The following PAK3 variants were observed in gnomAD, a reference collection of about 807,000 sequenced individuals.
PAK3 encodes the protein serine/threonine-protein kinase PAK 3.
Under a neutral mutation model 41.0 loss-of-function variants are expected in PAK3, and 4 were observed. The observed-to-expected ratio is 0.10, with a 90% confidence interval of 0.05 to 0.22. The LOEUF is 0.22. Ranked by LOEUF, PAK3 falls within the 10% of genes least tolerant of loss-of-function variation. PAK3 has a pLI of 1.00. For synonymous variants in PAK3, 146 were observed against 139.6 expected, an observed-to-expected ratio of 1.05 and a Z score of -0.32; for missense variants, 205 against 409.9, an observed-to-expected ratio of 0.50 and a Z score of 4.32.
chrX:110,997,950 C>A (rs971955322), intron 1 of PAK3, among the ~76,000 whole-genome samples: 2 of 111,572 alleles, frequency 1.8e-5, no homozygotes, highest in African/African-American at 3.3e-5. Flanking sequence ...ACCACCAGCA[C>A]CTTGATCTTG....
chrX:110,964,507 G>T (rs2091043153), intron 1 of PAK3, among the ~76,000 whole-genome samples: 1 of 111,735 alleles, frequency 8.9e-6, no homozygotes, highest in Non-Finnish European at 1.9e-5. Flanking sequence ...AAATCATCTG[G>T]CCTATATTTG....
chrX:111,159,711 G>A (rs1449445490), intron 8 of PAK3, among the ~76,000 whole-genome samples: 1 of 112,022 alleles, frequency 8.9e-6, no homozygotes, highest in African/African-American at 3.2e-5. Flanking sequence ...AACAGATGTT[G>A]CTATCCACAT....
intron 1 of PAK3, among the ~76,000 whole-genome samples, chrX:111,003,505 T>C (rs2091880516): frequency 8.9e-6 from 1 of 111,773 alleles, no homozygotes; most frequent in Non-Finnish European, 1.9e-5. Flanking sequence ...TGGCACTTTC[T>C]CAGCTTCAGC....
chrX:111,024,158 C>T (rs1173627001), intron 1 of PAK3, among the ~76,000 whole-genome samples: 1 of 111,973 alleles, frequency 8.9e-6, no homozygotes, highest in Non-Finnish European at 1.9e-5. Flanking sequence ...GAAATCATTT[C>T]CCCATTGCTT....
At chrX:111,172,525 G>C (rs1443310954) in intron 10 of PAK3, among the ~76,000 whole-genome samples, 2 of 110,806 alleles carry the variant, frequency 1.8e-5, no homozygotes, top group East Asian at 5.7e-4. Context: ...GTGATCCCCA[G>C]TGTTTATTGT....
At chrX:110,955,185 C>T (rs1302025161) in intron 1 of PAK3, among the ~76,000 whole-genome samples, 3 of 112,210 alleles carry the variant, frequency 2.7e-5, no homozygotes, top group African/African-American at 9.7e-5. Flanking sequence ...CCAGACTATA[C>T]GTATGGGACC....
At chrX:111,069,656 A>G (rs1199681775) in intron 1 of PAK3, among the ~76,000 whole-genome samples, 1 of 109,627 alleles carries the variant, frequency 9.1e-6, no homozygotes, top group Non-Finnish European at 1.9e-5. Context: ...CATATCTCAG[A>G]ACAGGGGCCT....
Position 111,163,702 on chromosome X carries a change from A to G in PAK3, c.741A>G (p.Thr247=), listed in dbSNP as rs1412894498. 4 of 1,200,604 alleles carry G rather than the reference A, an allele frequency of 3.3e-6. No individual in the cohort carries two copies. In the South Asian group the frequency reaches 7.1e-5, roughly 21 times the overall value. The change falls in exon 10 of 18, where the codon ACA becomes ACG. Residue 247 remains threonine, a synonymous_variant. Transcript: ENST00000372007. ...GGCAAAGAAAAAAATCCAAGATGAC[A>G]GATGAGGAGATCTTAGAGAAGCTAA... The part of the protein sequence containing the change: ...TDRQRKKSKM[T]DEEILEKLRS...
At chrX:111,075,405 G>A (rs1348503167) in intron 1 of PAK3, among the ~76,000 whole-genome samples, 1 of 112,751 alleles carries the variant, frequency 8.9e-6, no homozygotes, top group East Asian at 2.8e-4. Flanking sequence ...TCCAGCTGTG[G>A]TTCAAAGGGC....
At position 111,195,925 on chromosome X, in the gene PAK3, T is replaced by A; in HGVS notation, c.1194T>A (p.Asp398Glu). The change falls in exon 15 of 18, where the codon GAT becomes GAA. Residue 398 changes from aspartate to glutamate, a missense_variant. Asp to Glu is a conservative substitution (Grantham distance 45). Around this residue, in one of 5 missense-constraint regions of PAK3, gnomAD observed 42 missense variants for 152.7 expected, o/e 0.28. Coordinates refer to ENST00000372007, the MANE Select transcript of PAK3 (RefSeq NM_002578.5). ...IKSDNILLGM[D>E]GSVKLTDFGF... Reference sequence around the variant, plus strand: ...GTGACAATATTCTTCTCGGGATGGATGGCTCTGTTAAATTGAGTAGGTATT... The same window carrying A: ...GTGACAATATTCTTCTCGGGATGGAAGGCTCTGTTAAATTGAGTAGGTATT... The A allele has an allele frequency of 8.9e-7, 1 of 1,128,472 alleles. No individual in the cohort carries two copies. The highest frequency in any genetic ancestry group is 1.8e-5 in the African/African-American group (1 of 56,277). 93.0% of individuals were successfully genotyped at this position (1,128,472 alleles called of 1,213,427 possible).
chrX:111,078,471 G>A (rs971687991), intron 1 of PAK3, among the ~76,000 whole-genome samples: 2 of 110,125 alleles, frequency 1.8e-5, no homozygotes, highest in Non-Finnish European at 3.8e-5. Context: ...TAATTGTTTT[G>A]AGGCACCATG....
intron 1 of PAK3, among the ~76,000 whole-genome samples, chrX:111,050,325 T>A (rs997066754): frequency 1.8e-5 from 2 of 111,560 alleles, no homozygotes; most frequent in Non-Finnish European, 3.8e-5. Context: ...CAATGGAGAA[T>A]GCCTCTAAAA....
chrX:111,158,247 G>A (rs896355300), intron 8 of PAK3, among the ~76,000 whole-genome samples: 2 of 112,041 alleles, frequency 1.8e-5, no homozygotes, highest in Non-Finnish European at 3.8e-5. Context: ...GGGGCTTGAA[G>A]CAAGTTTTAG....
chrX:111,053,631 G>T (rs909666708), intron 1 of PAK3, among the ~76,000 whole-genome samples: 1 of 110,803 alleles, frequency 9.0e-6, no homozygotes, highest in Non-Finnish European at 1.9e-5. Flanking sequence ...ACATACAGTG[G>T]GGTAGCTGTC....
chrX:111,215,583 C>T (rs1358171331), intron 16 of PAK3, among the ~76,000 whole-genome samples: 5 of 111,775 alleles, frequency 4.5e-5, no homozygotes, highest in South Asian at 3.8e-4. Flanking sequence ...GTGAATTAAT[C>T]GTAGTCCTGA....
intron 4 of PAK3, among the ~76,000 whole-genome samples, chrX:111,115,875 G>C (rs1250424028): frequency 2.7e-5 from 3 of 111,269 alleles, no homozygotes; most frequent in Admixed American, 9.6e-5. Flanking sequence ...TTTGGGTACA[G>C]AGAAATTGGG....
intron 1 of PAK3, among the ~76,000 whole-genome samples, chrX:110,991,597 T>C (rs748342963): frequency 8.9e-6 from 1 of 112,499 alleles, no homozygotes; most frequent in African/African-American, 3.2e-5. Flanking sequence ...TCAATAGATG[T>C]TAGCTGCTAC....
At chrX:111,217,123 C>A in intron 17 of PAK3, 1 of 548,673 alleles carries the variant, frequency 1.8e-6, no homozygotes, top group Non-Finnish European at 2.2e-6. Context: ...CAAATTCTTT[C>A]AATAAATTAT....
At chrX:111,188,679 A>T (rs2094534665) in intron 11 of PAK3, among the ~76,000 whole-genome samples, 1 of 111,562 alleles carries the variant, frequency 9.0e-6, no homozygotes, top group Admixed American at 9.5e-5. Context: ...AACCAATAAC[A>T]ACAGCGGCAA....
Sources: allele counts gnomAD v4.1 joint callset (sites outside exome capture counted in the v4.1 genomes callset), GRCh38; gene constraint gnomAD v4.1.1; regional missense constraint gnomAD v4.1.1; transcripts MANE v1.5; gene names NCBI Gene and HGNC (gene_info 2026-07-23, HGNC 2026-07-21).